The following METTL15 variants were observed in gnomAD, a reference collection of about 807,000 sequenced individuals.
The protein encoded by METTL15 is methyltransferase 15, mitochondrial 12S rRNA N4-cytidine, also known as 12S rRNA N(4)-cytidine methyltransferase METTL15.
In METTL15, 34 loss-of-function variants were observed where a neutral mutation model predicts 38.3. That is an observed-to-expected ratio of 0.89 (90% CI 0.68 to 1.18). The LOEUF (loss-of-function observed/expected upper bound fraction) is 1.18, where lower values mean the gene tolerates loss of function less well. METTL15 is among the 50% of genes most tolerant of loss of function. The pLI, the probability that METTL15 is intolerant of heterozygous loss-of-function variation, is 0.00. For missense variants in METTL15, 438 were observed against 498.4 expected (o/e 0.88, Z 1.15); for synonymous variants, 162 against 170.9 (o/e 0.95, Z 0.41).
intron 5 of METTL15, among the ~76,000 whole-genome samples, chr11:28,382,974 CTTTTA>C (rs1299513305): frequency 0.011 from 1,436 of 133,340 alleles, 73 homozygotes; most frequent in Admixed American, 0.096. Flanking sequence ...TTTTTTTTAA[CTTTTA>C]TTTTAGGTTC....
At chr11:28,193,896 C>T in intron 3 of METTL15, among the ~76,000 whole-genome samples, 1 of 152,102 alleles carries the variant, frequency 6.6e-6, no homozygotes, top group Non-Finnish European at 1.5e-5. Context: ...AAATCCTACA[C>T]ATTAACTATC....
chr11:28,318,092 C>T (rs986046023), intron 6 of METTL15, among the ~76,000 whole-genome samples: 3 of 152,100 alleles, frequency 2.0e-5, no homozygotes, highest in East Asian at 1.9e-4. Flanking sequence ...AGAGCATCTC[C>T]GCATAAAATT....
At chr11:28,497,323 T>G (rs988525147) in intron 6 of METTL15, among the ~76,000 whole-genome samples, 3 of 152,214 alleles carry the variant, frequency 2.0e-5, no homozygotes, top group Admixed American at 6.5e-5. Context: ...ATTCTCAATC[T>G]GCATGGAAAC....
At chr11:28,325,167 A>G (rs747833389) in intron 6 of METTL15, among the ~76,000 whole-genome samples, 7 of 152,132 alleles carry the variant, frequency 4.6e-5, no homozygotes, top group Non-Finnish European at 8.8e-5. Flanking sequence ...TATACCTTTT[A>G]CAGACAATAT....
chr11:28,321,188 C>G (rs1565253146), intron 6 of METTL15, among the ~76,000 whole-genome samples: 1 of 152,130 alleles, frequency 6.6e-6, no homozygotes, highest in East Asian at 1.9e-4. Context: ...AAAATGAGTA[C>G]TTTATGCCCA....
intron 6 of METTL15, among the ~76,000 whole-genome samples, chr11:28,438,368 C>T (rs1001114437): frequency 1.3e-5 from 2 of 152,188 alleles, no homozygotes; most frequent in Non-Finnish European, 2.9e-5. Flanking sequence ...TAGGCAGAAA[C>T]GGCGAGTGCC....
chr11:28,288,343 A>G (rs1856370948), intron 4 of METTL15, among the ~76,000 whole-genome samples: 1 of 152,152 alleles, frequency 6.6e-6, no homozygotes, highest in Admixed American at 6.6e-5. Context: ...AAATTGTTGT[A>G]TTGTAAAGAC....
chr11:28,356,560 G>C (rs1850091893), intron 4 of METTL15, among the ~76,000 whole-genome samples: 1 of 152,202 alleles, frequency 6.6e-6, no homozygotes. Flanking sequence ...GCCAGGGTTT[G>C]TTTAGAAAGA....
rs1849794099 is a variant in METTL15, at chr11:28,330,785, G to A, written c.1168G>A (p.Val390Ile). Reference protein sequence around the residue: ...KKVLSPQDQDVQDNPRGRSAK... With the variant: ...KKVLSPQDQDIQDNPRGRSAK... ...GGTACTTAGTCCACAAGATCAGGAT[G>A]TACAAGATAACCCCAGAGGGCGCTC... Residue 390 changes from valine (V) to isoleucine (I), a missense_variant, in exon 7 of 7, where the codon GTA becomes ATA. Coordinates refer to ENST00000407364, the MANE Select transcript of METTL15 (RefSeq NM_001113528.2). 6.4e-7 allele frequency: 1 copy of A among 1,551,770 alleles called. No homozygotes were observed. Among genetic ancestry groups the A allele is most frequent in the Admixed American group, 2.0e-5 (1 of 50,988 alleles).
intron 4 of METTL15, among the ~76,000 whole-genome samples, chr11:28,215,686 A>G (rs1369206510): frequency 6.6e-6 from 1 of 152,192 alleles, no homozygotes; most frequent in African/African-American, 2.4e-5. Flanking sequence ...GGCATACAAG[A>G]AGATTTGAAC....
chr11:28,308,402 A>G (rs972637578), intron 6 of METTL15, among the ~76,000 whole-genome samples: 3 of 151,970 alleles, frequency 2.0e-5, no homozygotes, highest in African/African-American at 7.2e-5. Flanking sequence ...ACGTCTTTCT[A>G]TCTCTGTGTT....
chr11:28,344,259 T>A (rs1849979085), intron 3 of METTL15, among the ~76,000 whole-genome samples: 1 of 152,180 alleles, frequency 6.6e-6, no homozygotes, highest in Admixed American at 6.5e-5. Context: ...TTAAGAATAC[T>A]AATATTGAGA....
At chr11:28,290,124 T>G (rs1284646402) in intron 4 of METTL15, 82 bp from the exon 5 acceptor site, 37 of 1,128,220 alleles carry the variant, frequency 3.3e-5, no homozygotes, top group Non-Finnish European at 4.6e-5. Flanking sequence ...TAATAGAATG[T>G]GCTCCCTTCC....
In METTL15 at chr11:28,236,006, T is replaced by C. The variant is rs1268938020; in HGVS notation, c.407+24808T>C. 5.9e-5 allele frequency among the ~76,000 whole-genome samples: 9 copies of C among 152,222 alleles called. No individual in the cohort carries two copies. The East Asian group carries it at 1.5e-3, about 26-fold the overall frequency. On this transcript the variant is annotated intron_variant, in intron 4 of 6. Transcript: ENST00000407364. ...ATCAATACCTAATTTATTGAGAGTTTTTAGCATGAAGGGTTGTTGAATTTT... is the reference window on the plus strand; with the variant it reads ...ATCAATACCTAATTTATTGAGAGTTCTTAGCATGAAGGGTTGTTGAATTTT...
intron 5 of METTL15, among the ~76,000 whole-genome samples, chr11:28,371,243 A>C (rs918942267): frequency 1.3e-5 from 2 of 152,000 alleles, no homozygotes; most frequent in African/African-American, 4.8e-5. Flanking sequence ...TCTTCTGCTT[A>C]TGGTTATCCA....
intron 4 of METTL15, among the ~76,000 whole-genome samples, chr11:28,258,803 A>AG (rs1352216915): frequency 3.3e-5 from 5 of 152,164 alleles, no homozygotes. Flanking sequence ...GAGCAGATCC[A>AG]GGAATGCTGT....
chr11:28,420,010 C>A (rs374907580), intron 5 of METTL15, among the ~76,000 whole-genome samples: 1 of 151,782 alleles, frequency 6.6e-6, no homozygotes, highest in Non-Finnish European at 1.5e-5. Context: ...GAATGAAGAC[C>A]GTCTACAAGA....
chr11:28,238,495 C>T (rs1304863760), intron 4 of METTL15, among the ~76,000 whole-genome samples: 1 of 152,186 alleles, frequency 6.6e-6, no homozygotes, highest in East Asian at 1.9e-4. Flanking sequence ...CCCGATTTTC[C>T]AGGTGCCATC....
intron 6 of METTL15, among the ~76,000 whole-genome samples, chr11:28,492,443 A>G (rs1851502470): frequency 1.3e-5 from 2 of 152,008 alleles, no homozygotes; most frequent in South Asian, 4.1e-4. Context: ...TGGTAAGTGC[A>G]TAGGTTTCCT....
Sources: gnomAD v4.1 joint callset for allele counts (sites outside exome capture counted in the v4.1 genomes callset) on GRCh38, gnomAD v4.1.1 for gene constraint, MANE v1.5 for transcripts, NCBI Gene and HGNC (gene_info 2026-07-23, HGNC 2026-07-21) for gene names.